Variants in GRM3 observed in about 807,000 individuals in gnomAD.
The protein encoded by GRM3 is glutamate metabotropic receptor 3, also known as metabotropic glutamate receptor 3.
GRM3 carries 26 observed loss-of-function variants against 70.5 expected under a neutral mutation model. The ratio of observed to expected loss-of-function variants is 0.37; its 90% CI spans 0.27 to 0.51. The LOEUF (loss-of-function observed/expected upper bound fraction) is 0.51. GRM3 is among the 20% of genes least tolerant of loss of function. The pLI is 0.93. For missense variants in GRM3, 859 were observed against 1,123.8 expected (o/e 0.76, Z 3.37); for synonymous variants, 443 against 434.9 (o/e 1.02, Z -0.23).
intron 3 of GRM3, among the ~76,000 whole-genome samples, chr7:86,833,632 G>T (rs920161190): frequency 1.3e-5 from 2 of 152,072 alleles, no homozygotes; most frequent in African/African-American, 4.8e-5. Context: ...CATTACCCAG[G>T]TCAATATTGC....
chr7:86,860,035 C>A (rs890963568), intron 5 of GRM3, among the ~76,000 whole-genome samples: 1 of 152,136 alleles, frequency 6.6e-6, no homozygotes, highest in African/African-American at 2.4e-5. Flanking sequence ...CAAAAGCACA[C>A]CTTATCCTAG....
intron 1 of GRM3, among the ~76,000 whole-genome samples, chr7:86,691,569 T>G (rs1372123920): frequency 6.6e-6 from 1 of 152,186 alleles, no homozygotes; most frequent in African/African-American, 2.4e-5. Flanking sequence ...CCTCAAAACA[T>G]GTTTTGGAAA....
chr7:86,813,711 G>A (rs1797959504), intron 3 of GRM3, among the ~76,000 whole-genome samples: 1 of 151,690 alleles, frequency 6.6e-6, no homozygotes. Flanking sequence ...AGAGGTGTAT[G>A]GATATGTCAT....
intron 5 of GRM3, among the ~76,000 whole-genome samples, chr7:86,860,450 C>T (rs1261798299): frequency 3.3e-5 from 5 of 152,010 alleles, no homozygotes; most frequent in African/African-American, 1.2e-4. Context: ...CAGAAGCTAC[C>T]GATGAAATAA....
intron 1 of GRM3, among the ~76,000 whole-genome samples, chr7:86,732,452 G>C (rs1047241984): frequency 3.9e-5 from 6 of 152,126 alleles, no homozygotes; most frequent in African/African-American, 1.4e-4. Flanking sequence ...AAATAGTATA[G>C]CAAGTTCAGA....
intron 1 of GRM3, among the ~76,000 whole-genome samples, chr7:86,675,225 G>A (rs1462546799): frequency 6.6e-6 from 1 of 152,062 alleles, no homozygotes; most frequent in Non-Finnish European, 1.5e-5. Flanking sequence ...TGGTCTGACA[G>A]TTGCTAGATA....
intron 3 of GRM3, among the ~76,000 whole-genome samples, chr7:86,807,541 CTGTT>C (rs1409853984): frequency 6.6e-6 from 1 of 151,662 alleles, no homozygotes; most frequent in African/African-American, 2.4e-5. Flanking sequence ...ATTTGGCTCT[CTGTT>C]TGTCTGTTAT....
At chr7:86,773,789 A>G (rs1796807063) in intron 2 of GRM3, among the ~76,000 whole-genome samples, 1 of 152,138 alleles carries the variant, frequency 6.6e-6, no homozygotes, top group Admixed American at 6.6e-5. Flanking sequence ...ATTTCTCATC[A>G]GAAGTAATTA....
chr7:86,855,534 G>A (rs1264537585), intron 5 of GRM3, among the ~76,000 whole-genome samples: 1 of 152,088 alleles, frequency 6.6e-6, no homozygotes, highest in African/African-American at 2.4e-5. Flanking sequence ...AGGAGCTGTA[G>A]GCATATGGAG....
At chr7:86,706,507 TTATGAAAGGC>T (rs2116137804) in intron 1 of GRM3, among the ~76,000 whole-genome samples, 1 of 152,142 alleles carries the variant, frequency 6.6e-6, no homozygotes, top group African/African-American at 2.4e-5. Flanking sequence ...AAAGCAGGCT[TTATGAAAGGC>T]TTTGTGGTGG....
chr7:86,663,458 G>C (rs1793949061), intron 1 of GRM3, among the ~76,000 whole-genome samples: 1 of 152,004 alleles, frequency 6.6e-6, no homozygotes, highest in South Asian at 2.1e-4. Flanking sequence ...GAGACAAGCT[G>C]TTTGGAGGTA....
At chr7:86,689,120 T>A (rs557121824) in intron 1 of GRM3, among the ~76,000 whole-genome samples, 89 of 151,564 alleles carry the variant, frequency 5.9e-4, no homozygotes, top group African/African-American at 2.1e-3. Context: ...CATTAAATGA[T>A]GTTTTGCAAG....
chr7:86,706,543 G>A (rs558440140), intron 1 of GRM3, among the ~76,000 whole-genome samples: 1 of 152,130 alleles, frequency 6.6e-6, no homozygotes, highest in East Asian at 1.9e-4. Context: ...ATGCTGATGT[G>A]CAAGTGGTAA....
chr7:86,666,456 G>A (rs1454275863), intron 1 of GRM3, among the ~76,000 whole-genome samples: 1 of 151,862 alleles, frequency 6.6e-6, no homozygotes, highest in African/African-American at 2.4e-5. Context: ...ATATGTTTAT[G>A]GTATTTTATC....
Position 86,864,369 on chromosome 7 carries a change from T to C in GRM3, c.*14T>C. 6.2e-7 allele frequency: 1 copy of C among 1,600,122 alleles called. No individual in the cohort carries two copies. The highest frequency in any genetic ancestry group is 1.1e-5 in the South Asian group (1 of 90,832). The stretch of plus-strand genomic sequence containing the variant: ...TCATCTCTGTGATTGTGAATTGCAG[T>C]TCAGTTCTTGTGTTTTTAGACTGTT... On this transcript the variant is annotated 3_prime_UTR_variant, in exon 6 of 6. Transcript: ENST00000361669.
chr7:86,813,254 G>C (rs928897308), intron 3 of GRM3, among the ~76,000 whole-genome samples: 3 of 151,624 alleles, frequency 2.0e-5, no homozygotes, highest in African/African-American at 7.3e-5. Flanking sequence ...GTCTCTAAGG[G>C]CCTAACTCAG....
chr7:86,843,430 A>T (rs1798596260), intron 4 of GRM3, among the ~76,000 whole-genome samples: 1 of 152,228 alleles, frequency 6.6e-6, no homozygotes, highest in Non-Finnish European at 1.5e-5. Flanking sequence ...ATAGGAATTC[A>T]ATACAGAGCA....
intron 1 of GRM3, among the ~76,000 whole-genome samples, chr7:86,683,538 A>G (rs1463707459): frequency 2.0e-5 from 3 of 152,180 alleles, no homozygotes; most frequent in African/African-American, 7.2e-5. Flanking sequence ...GAGATTGAAT[A>G]CACTGAGGAC....
intron 2 of GRM3, among the ~76,000 whole-genome samples, chr7:86,770,721 G>A (rs541696692): frequency 6.6e-6 from 1 of 152,220 alleles, no homozygotes; most frequent in African/African-American, 2.4e-5. Flanking sequence ...TTAATTGCCA[G>A]TTTTCTTATA....
Sources: gnomAD v4.1 joint callset for allele counts (sites outside exome capture counted in the v4.1 genomes callset) on GRCh38, gnomAD v4.1.1 for gene constraint, MANE v1.5 for transcripts, NCBI Gene and HGNC (gene_info 2026-07-23, HGNC 2026-07-21) for gene names.